Variants in L2HGDH observed in about 807,000 individuals in gnomAD.
L2HGDH encodes L-2-hydroxyglutarate dehydrogenase.
Under a neutral mutation model 51.5 loss-of-function variants are expected in L2HGDH, and 34 were observed. The observed-to-expected ratio is 0.66, with a 90% CI of 0.50 to 0.88. L2HGDH has a LOEUF of 0.88. L2HGDH is among the 40% of genes least tolerant of loss of function. The pLI, the probability that L2HGDH is intolerant of heterozygous loss-of-function variation, is 0.00. For synonymous variants in L2HGDH, 198 were observed against 197.9 expected (o/e 1.00, Z -0.01); for missense variants, 558 against 571.9 (o/e 0.98, Z 0.25).
At chr14:50,277,194 CTGT>C (rs1451311569) in intron 6 of L2HGDH, among the ~76,000 whole-genome samples, 84 of 142,722 alleles carry the variant, frequency 5.9e-4, no homozygotes, top group Middle Eastern at 3.7e-3. Flanking sequence ...ATAAAGTAGA[CTGT>C]TTTTTTTTTG....
chr14:50,269,263 A>C lies in L2HGDH; in HGVS notation c.806T>G (p.Leu269Trp), dbSNP rs767315035. ...AGLYSDRISE[L>W]SGCTPDPRIV... ...TCGAGGATCAGGAGTGCAGCCACTC[A>C]ACTCTGAAATACGGTCTGAGTAAAG... The change falls in exon 7 of 10, where the codon TTG becomes TGG. Residue 269 changes from leucine to tryptophan, a missense_variant. Physicochemically the swap from Leu to Trp is moderately conservative, Grantham distance 61. Around this residue, in one of 3 missense-constraint regions of L2HGDH, gnomAD observed 321 missense variants for 311.8 expected, o/e 1.03. Transcript: ENST00000267436. 1 of 1,614,110 alleles carries C rather than the reference A, an allele frequency of 6.2e-7. No individual in the cohort carries two copies. Among genetic ancestry groups the C allele is most frequent in the Non-Finnish European group, 8.5e-7 (1 of 1,179,982 alleles).
Position 50,283,880 on chromosome 14 carries a change from T to G in L2HGDH, c.694A>C (p.Ser232Arg). The G allele has an allele frequency of 6.2e-7, 1 of 1,614,018 alleles. No individual in the cohort carries two copies. The highest frequency in any genetic ancestry group is 8.5e-7 in the Non-Finnish European group (1 of 1,179,894). ...GACAAGGATGGCTTACCATCTATAC[T>G]TCTTGAAGGACTTTCTTTAGCCATT... is the stretch of plus-strand genomic sequence containing the variant. ...IEMAKESPSR[S>R]IDGMQYPIVI... Residue 232 changes from serine to arginine, a missense_variant, in exon 5 of 10, where the codon AGT becomes CGT. Physicochemically the swap from Ser to Arg is moderately radical, Grantham distance 110. Around this residue, in one of 3 missense-constraint regions of L2HGDH, gnomAD observed 321 missense variants for 311.8 expected, o/e 1.03. Coordinates refer to ENST00000267436, the MANE Select transcript of L2HGDH (RefSeq NM_024884.3).
At chr14:50,307,934 GA>G (rs758379035) in intron 1 of L2HGDH, among the ~76,000 whole-genome samples, 4 of 151,338 alleles carry the variant, frequency 2.6e-5, no homozygotes, top group South Asian at 2.1e-4. Context: ...ATCCATAAAA[GA>G]AAAAAAACTG....
chr14:50,271,504 A>G (rs1463248094), intron 6 of L2HGDH, among the ~76,000 whole-genome samples: 4 of 152,216 alleles, frequency 2.6e-5, no homozygotes, highest in African/African-American at 9.6e-5. Flanking sequence ...TTACCTCCAA[A>G]TTAAAATTTA....
At chr14:50,282,939 G>A (rs1890355614) in intron 5 of L2HGDH, among the ~76,000 whole-genome samples, 2 of 151,940 alleles carry the variant, frequency 1.3e-5, no homozygotes, top group Admixed American at 6.6e-5. Flanking sequence ...CACTTTGGGA[G>A]GCCAAGGAGG....
chr14:50,277,546 C>A (rs1268486476), intron 6 of L2HGDH, among the ~76,000 whole-genome samples: 4 of 151,594 alleles, frequency 2.6e-5, no homozygotes, highest in African/African-American at 9.7e-5. Context: ...GAGGCCGAGG[C>A]GGGTGGATCA....
At chr14:50,306,578 T>TG (rs2030738046) in intron 1 of L2HGDH, among the ~76,000 whole-genome samples, 1 of 148,236 alleles carries the variant, frequency 6.7e-6, no homozygotes. Flanking sequence ...TTGTTTTTTT[T>TG]GGGGGGTTTT....
chr14:50,249,270 T>C (rs1888195296), intron 9 of L2HGDH, among the ~76,000 whole-genome samples: 1 of 152,188 alleles, frequency 6.6e-6, no homozygotes, highest in South Asian at 2.1e-4. Context: ...CTACTAGCAC[T>C]AGGCTGGGCT....
chr14:50,280,567 C>A (rs1425533121), intron 5 of L2HGDH, among the ~76,000 whole-genome samples: 1 of 152,178 alleles, frequency 6.6e-6, no homozygotes, highest in Non-Finnish European at 1.5e-5. Flanking sequence ...TTCCTACTGA[C>A]TACGTTTGCC....
intron 3 of L2HGDH, among the ~76,000 whole-genome samples, chr14:50,298,199 G>T (rs2030188250): frequency 6.8e-6 from 1 of 147,610 alleles, no homozygotes; most frequent in Non-Finnish European, 1.5e-5. Flanking sequence ...AGCTGAGATG[G>T]CACCATTGCA....
intron 4 of L2HGDH, among the ~76,000 whole-genome samples, chr14:50,285,929 T>G (rs967199206): frequency 3.9e-5 from 6 of 152,124 alleles, no homozygotes; most frequent in Non-Finnish European, 8.8e-5. Flanking sequence ...ACATGTGTGT[T>G]GTAGAAAGGT....
intron 8 of L2HGDH, among the ~76,000 whole-genome samples, chr14:50,266,841 A>G (rs574394132): frequency 7.9e-5 from 12 of 152,210 alleles, no homozygotes; most frequent in African/African-American, 2.9e-4. Flanking sequence ...AGAGAGAAAC[A>G]TTGGTAAAAG....
intron 1 of L2HGDH, among the ~76,000 whole-genome samples, chr14:50,308,894 T>C (rs933024530): frequency 4.6e-5 from 7 of 152,224 alleles, no homozygotes; most frequent in African/African-American, 1.7e-4. Context: ...GTTAAACAAA[T>C]TGTGATGTAT....
chr14:50,262,438 A>G (rs1889087201), intron 9 of L2HGDH, among the ~76,000 whole-genome samples: 1 of 152,006 alleles, frequency 6.6e-6, no homozygotes. Context: ...CAAAAAAAAA[A>G]AAAAAAAGTC....
rs866630044 is a variant in L2HGDH, at chr14:50,245,584, A to C, written c.*1474T>G. The C allele has an allele frequency of 5.1e-6, 5 of 971,360 alleles. No individual in the cohort carries two copies. The African/African-American group carries it at 8.8e-5, about 17-fold the overall frequency. The allele number at this position is 971,360 out of a possible 1,614,324, so 60.2% of individuals were successfully genotyped here. A position where few individuals can be genotyped will look rare whatever the true frequency, so the allele number is the denominator to read the frequency against. ...TATTTTCTTGAAATCATGAATTTTT[A>C]ATTTCCAAATACAAATATTGTTGCT... On this transcript the variant is annotated 3_prime_UTR_variant, in exon 10 of 10. Coordinates refer to ENST00000267436, the MANE Select transcript of L2HGDH (RefSeq NM_024884.3).
At chr14:50,306,049 C>CTTTTTTTTTTTTTTTTT (rs34244656) in intron 1 of L2HGDH, among the ~76,000 whole-genome samples, 1 of 141,322 alleles carries the variant, frequency 7.1e-6, no homozygotes, top group African/African-American at 2.6e-5. Context: ...TTTTGACTGA[C>CTTTTTTTTTTTTTTTTT]TTTTTTTTTT....
intron 9 of L2HGDH, among the ~76,000 whole-genome samples, chr14:50,253,996 A>C (rs1888509120): frequency 6.6e-6 from 1 of 152,100 alleles, no homozygotes; most frequent in East Asian, 1.9e-4. Flanking sequence ...CATAGAGGTA[A>C]GAGAGCAAGA....
intron 3 of L2HGDH, among the ~76,000 whole-genome samples, chr14:50,295,745 CTTT>C (rs58353838): frequency 3.0e-5 from 4 of 131,484 alleles, no homozygotes; most frequent in Non-Finnish European, 1.6e-5. Flanking sequence ...TTCATAGCAT[CTTT>C]TTTTTTTTTT....
chr14:50,285,123 T>TGTAG (rs1400749582), intron 4 of L2HGDH, among the ~76,000 whole-genome samples: 1 of 152,182 alleles, frequency 6.6e-6, no homozygotes, highest in Non-Finnish European at 1.5e-5. Flanking sequence ...GGCGGGCACC[T>TGTAG]GTAGACCCAG....
Sources: allele counts gnomAD v4.1 joint callset (sites outside exome capture counted in the v4.1 genomes callset), GRCh38; gene constraint gnomAD v4.1.1; regional missense constraint gnomAD v4.1.1; transcripts MANE v1.5; gene names NCBI Gene and HGNC (gene_info 2026-07-23, HGNC 2026-07-21).